The following MALRD1 variants were observed in gnomAD, a reference collection of about 807,000 sequenced individuals.
MALRD1 encodes the protein MAM and LDL-receptor class A domain-containing protein 1.
MALRD1 carries 247 observed loss-of-function variants against 242.1 expected under a neutral mutation model. The ratio of observed to expected loss-of-function variants is 1.02; its 90% CI spans 0.92 to 1.13. MALRD1 has a LOEUF of 1.13. MALRD1 is among the 50% of genes most tolerant of loss of function. The pLI, the probability that MALRD1 is intolerant of heterozygous loss-of-function variation, is 0.00. For missense variants in MALRD1, 2,989 were observed against 2,533.1 expected (o/e 1.18, Z -3.86); for synonymous variants, 995 against 866.6 (o/e 1.15, Z -2.60).
At chr10:19,072,281 A>G (rs1201211948) in intron 2 of MALRD1, among the ~76,000 whole-genome samples, 1 of 152,150 alleles carries the variant, frequency 6.6e-6, no homozygotes, top group Non-Finnish European at 1.5e-5. Flanking sequence ...TTTTTGGGCC[A>G]TATGGTCCAT....
chr10:19,175,284 A>C lies in MALRD1; in HGVS notation c.1907A>C (p.Glu636Ala). 1 of 1,230,686 alleles carries C rather than the reference A, an allele frequency of 8.1e-7. No homozygotes were observed. The highest frequency in any genetic ancestry group is 1.0e-6 in the Non-Finnish European group (1 of 987,358). The allele number at this position is 1,230,686 out of a possible 1,614,324, so 76.2% of individuals were successfully genotyped here. Residue 636 changes from glutamate to alanine, a missense_variant, in exon 14 of 40, where the codon GAA becomes GCA. Glu to Ala is a moderately radical substitution (Grantham distance 107). Transcript: ENST00000454679. Reference protein sequence around the residue: ...LDDISVSQECEISYKSLPRTS... With the variant: ...LDDISVSQECAISYKSLPRTS... The stretch of plus-strand genomic sequence containing the variant: ...GACATCAGTGTGTCCCAGGAATGTG[A>C]AATTTCCTATAAATCACTACCAAGG...
intron 17 of MALRD1, among the ~76,000 whole-genome samples, chr10:19,206,901 T>A (rs1027199638): frequency 6.6e-6 from 1 of 152,158 alleles, no homozygotes; most frequent in African/African-American, 2.4e-5. Context: ...AAGACTGACA[T>A]CTGGAGGGTA....
chr10:19,312,439 AGAGT>A (rs1198731059), intron 21 of MALRD1, among the ~76,000 whole-genome samples: 3 of 149,346 alleles, frequency 2.0e-5, no homozygotes, highest in Admixed American at 1.3e-4. Context: ...AGAGAGAGAG[AGAGT>A]TTGTGTATAT....
chr10:19,529,200 T>C (rs1337290157), intron 31 of MALRD1, among the ~76,000 whole-genome samples: 2 of 152,178 alleles, frequency 1.3e-5, no homozygotes, highest in African/African-American at 4.8e-5. Context: ...AAGGCCTGCC[T>C]TCAAGAAAAA....
At chr10:19,535,349 C>T (rs966608868) in intron 32 of MALRD1, among the ~76,000 whole-genome samples, 1 of 151,966 alleles carries the variant, frequency 6.6e-6, no homozygotes, top group African/African-American at 2.4e-5. Context: ...GTTTATGATT[C>T]TTTAATGACC....
intron 38 of MALRD1, among the ~76,000 whole-genome samples, chr10:19,713,940 G>A (rs965618264): frequency 1.3e-5 from 2 of 152,172 alleles, no homozygotes; most frequent in African/African-American, 2.4e-5. Flanking sequence ...GGCTTGCTCC[G>A]TCGATGCCCC....
intron 38 of MALRD1, among the ~76,000 whole-genome samples, chr10:19,702,814 C>G (rs1444855973): frequency 2.6e-5 from 4 of 152,126 alleles, no homozygotes; most frequent in Non-Finnish European, 5.9e-5. Flanking sequence ...AAGCAGAAAA[C>G]CATCACCCTC....
intron 18 of MALRD1, among the ~76,000 whole-genome samples, chr10:19,237,595 TA>T (rs1838390878): frequency 1.6e-4 from 1 of 6,288 alleles, no homozygotes; most frequent in Non-Finnish European, 2.8e-4. Context: ...TATATAATTA[TA>T]TAATTATAAT....
chr10:19,363,606 G>A (rs1844988993), intron 26 of MALRD1, among the ~76,000 whole-genome samples: 1 of 152,098 alleles, frequency 6.6e-6, no homozygotes, highest in Non-Finnish European at 1.5e-5. Flanking sequence ...GAGACTATAA[G>A]AAATGGCCCA....
chr10:19,228,845 G>T (rs1299937235), intron 18 of MALRD1, among the ~76,000 whole-genome samples: 1 of 151,896 alleles, frequency 6.6e-6, no homozygotes, highest in African/African-American at 2.4e-5. Context: ...ACTTTTTGAA[G>T]ACTTTACTTC....
intron 21 of MALRD1, among the ~76,000 whole-genome samples, chr10:19,319,482 ATTGT>A (rs1165032916): frequency 6.6e-6 from 1 of 152,048 alleles, no homozygotes; most frequent in Non-Finnish European, 1.5e-5. Flanking sequence ...AGTTCTCTGG[ATTGT>A]TTGTTTGTTC....
At chr10:19,607,118 A>G (rs1051706814) in intron 34 of MALRD1, among the ~76,000 whole-genome samples, 7 of 152,304 alleles carry the variant, frequency 4.6e-5, no homozygotes, top group African/African-American at 1.4e-4. Flanking sequence ...TAGCATCTCT[A>G]TGCTATTGAA....
In MALRD1 at chr10:19,575,556, C is replaced by T. The variant is rs142004112; in HGVS notation, c.5680+7853C>T. The stretch of plus-strand genomic sequence containing the variant: ...CATTACTAATAGAGATTATTGCCAA[C>T]GAGCAATAATTTTTTTCATAATAAG... On this transcript the variant is annotated intron_variant, in intron 33 of 39. Transcript: ENST00000454679. Among the ~76,000 whole-genome samples, 473 of 151,786 alleles carry T rather than the reference C, an allele frequency of 3.1e-3. 2 individuals carry two copies. The highest frequency in any genetic ancestry group is 0.011 in the African/African-American group (440 of 41,370).
chr10:19,246,791 G>C (rs940623786), intron 18 of MALRD1, among the ~76,000 whole-genome samples: 6 of 152,102 alleles, frequency 3.9e-5, no homozygotes, highest in African/African-American at 1.4e-4. Flanking sequence ...TAATTTGTCA[G>C]AATTGAATAC....
In MALRD1 at chr10:19,094,817, C is replaced by T. The variant is rs529912297; in HGVS notation, c.597+6632C>T. Among the ~76,000 whole-genome samples, 35 of 152,056 alleles carry T rather than the reference C, an allele frequency of 2.3e-4. 1 individual carries two copies. The highest frequency in any genetic ancestry group is 6.5e-5 in the Admixed American group (1 of 15,280). On this transcript the variant is annotated intron_variant, in intron 4 of 39. Transcript: ENST00000454679. ...CTAAAGTAATTTAGAGAATTAAAGC[C>T]AATGCAAGCCTATAAAACACAAACT...
chr10:19,458,764 A>C (rs764417605), intron 29 of MALRD1, among the ~76,000 whole-genome samples: 3 of 152,258 alleles, frequency 2.0e-5, no homozygotes, highest in Non-Finnish European at 2.9e-5. Context: ...AGTAAGTCTC[A>C]TCAGGTCTCC....
At chr10:19,245,959 A>G (rs1839025705) in intron 18 of MALRD1, among the ~76,000 whole-genome samples, 1 of 152,190 alleles carries the variant, frequency 6.6e-6, no homozygotes, top group African/African-American at 2.4e-5. Context: ...AAATTTCATT[A>G]CAAAGATGCT....
chr10:19,609,688 T>C (rs1173894951), intron 35 of MALRD1, among the ~76,000 whole-genome samples: 3 of 152,106 alleles, frequency 2.0e-5, no homozygotes, highest in African/African-American at 4.8e-5. Context: ...GCCTAACTTA[T>C]ATTATGCAAG....
chr10:19,162,066 A>C lies in MALRD1; in HGVS notation c.1657-3571A>C, dbSNP rs575005122. ...ACAGCAACAACAACAACAACAACAA[A>C]AACAAAACCATAACTGAGGAAATGA... On this transcript the variant is annotated intron_variant, in intron 12 of 39. Transcript: ENST00000454679. Among the ~76,000 whole-genome samples the C allele has an allele frequency of 5.4e-5, 8 of 147,784 alleles. 1 individual carries two copies. The highest frequency in any genetic ancestry group is 9.1e-5 in the Non-Finnish European group (6 of 65,912).
Sources: gnomAD v4.1 joint callset for allele counts (sites outside exome capture counted in the v4.1 genomes callset) on GRCh38, gnomAD v4.1.1 for gene constraint, MANE v1.5 for transcripts, NCBI Gene and HGNC (gene_info 2026-07-23, HGNC 2026-07-21) for gene names.